Variants in SERPINB8 observed in about 807,000 individuals in gnomAD.
The protein encoded by SERPINB8 is serpin B8.
Under a neutral mutation model 35.3 loss-of-function variants are expected in SERPINB8, and 25 were observed. That is an observed-to-expected ratio of 0.71 (90% confidence interval 0.52 to 0.99). The LOEUF is 0.99. SERPINB8 is among the 50% of genes least tolerant of loss of function. The pLI, the probability that SERPINB8 is intolerant of heterozygous loss-of-function variation, is 0.00. For missense variants in SERPINB8, 484 were observed against 446.5 expected, an observed-to-expected ratio of 1.08 and a Z score of -0.76; for synonymous variants, 186 against 160.8, an observed-to-expected ratio of 1.16 and a Z score of -1.19.
At chr18:64,010,310 G>C (rs1814575456), downstream of SERPINB8, among the ~76,000 whole-genome samples, 2 of 152,078 alleles carry the variant, frequency 1.3e-5, no homozygotes, top group African/African-American at 4.8e-5. Flanking sequence ...ATGGCTGGTG[G>C]GAACAGGCAT....
chr18:64,012,819 A>T (rs2050931726), intron 7 of SERPINB8, among the ~76,000 whole-genome samples: 1 of 152,098 alleles, frequency 6.6e-6, no homozygotes, highest in Non-Finnish European at 1.5e-5. Flanking sequence ...CGTAATCTCT[A>T]CTGCTGAATA....
At chr18:63,980,435 C>T (rs1385845285) in intron 3 of SERPINB8, among the ~76,000 whole-genome samples, 1 of 152,170 alleles carries the variant, frequency 6.6e-6, no homozygotes, top group Non-Finnish European at 1.5e-5. Flanking sequence ...TTCCCTAGTC[C>T]AGCCTGGCAT....
At chr18:64,010,452 A>G (rs4940601), downstream of SERPINB8, among the ~76,000 whole-genome samples, 70,511 of 152,024 alleles carry the variant, frequency 0.46, 17,632 homozygotes, top group East Asian at 0.69. Context: ...CATAGCAAGA[A>G]AAATAAATAG....
In SERPINB8 at chr18:64,016,439, G is replaced by C. The variant is rs988610413; in HGVS notation, c.*3-2471G>C. Among the ~76,000 whole-genome samples the C allele has an allele frequency of 2.6e-5, 4 of 152,122 alleles. No homozygotes were observed. The East Asian group carries it at 7.7e-4, about 29-fold the overall frequency. The stretch of plus-strand genomic sequence containing the variant: ...GTAAGGTTTTTCATTTTTGTTTTTT[G>C]TTTGTTTTTTATTTGTTTATTTTTG... On this transcript the variant is annotated intron_variant, in intron 7 of 7. Coordinates refer to the SERPINB8 transcript ENST00000636430.
At chr18:63,977,627 C>A (rs190507059) in intron 1 of SERPINB8, among the ~76,000 whole-genome samples, 1 of 152,162 alleles carries the variant, frequency 6.6e-6, no homozygotes, top group Non-Finnish European at 1.5e-5. Context: ...CACACCCGTC[C>A]GCACAAAGAC....
At chr18:64,014,575 T>G (rs2050941059) in intron 7 of SERPINB8, among the ~76,000 whole-genome samples, 1 of 152,184 alleles carries the variant, frequency 6.6e-6, no homozygotes, top group Admixed American at 6.5e-5. Flanking sequence ...ACTCTCTCAG[T>G]CTTTTCATGC....
In SERPINB8 at chr18:63,987,782, C is replaced by T. The variant is rs541009229; in HGVS notation, c.*504C>T. 1 of 154,166 alleles carries T rather than the reference C, an allele frequency of 6.5e-6. No homozygotes were observed. The highest frequency in any genetic ancestry group is 3.2e-3 in the Middle Eastern group (1 of 316). The allele number at this position is 154,166 out of a possible 1,614,324, so 9.5% of individuals were successfully genotyped here. A position where few individuals can be genotyped will look rare whatever the true frequency, so the allele number is the denominator to read the frequency against. On this transcript the variant is annotated 3_prime_UTR_variant, in exon 7 of 7. Transcript: ENST00000397985. Reference sequence around the variant, plus strand: ...TGTCACATAGACAGCCCTGCATGCCCCCTGTCTCACACAGTTTGTAATGAA... The same window carrying T: ...TGTCACATAGACAGCCCTGCATGCCTCCTGTCTCACACAGTTTGTAATGAA...
chr18:63,995,004 A>G (rs919356455), intron 1 of SERPINB8, among the ~76,000 whole-genome samples: 20 of 152,184 alleles, frequency 1.3e-4, no homozygotes, highest in African/African-American at 4.6e-4. Context: ...GATCTAGGCA[A>G]TGACATTCCC....
intron 1 of SERPINB8, among the ~76,000 whole-genome samples, chr18:64,004,653 T>G (rs1314097516): frequency 6.6e-6 from 1 of 152,242 alleles, no homozygotes; most frequent in Non-Finnish European, 1.5e-5. Flanking sequence ...GAAAGCTTGC[T>G]GATTTTTATT....
chr18:64,000,609 T>G (rs1255652747), intron 1 of SERPINB8, among the ~76,000 whole-genome samples: 2 of 152,178 alleles, frequency 1.3e-5, no homozygotes, highest in African/African-American at 4.8e-5. Flanking sequence ...CATTTCTAGC[T>G]CTGGCCCCTC....
At chr18:64,010,147 G>T (rs912218503), downstream of SERPINB8, among the ~76,000 whole-genome samples, 10 of 151,904 alleles carry the variant, frequency 6.6e-5, no homozygotes, top group Non-Finnish European at 1.2e-4. Flanking sequence ...CTTCACAAAA[G>T]ATAAAATAAT....
intron 6 of SERPINB8, among the ~76,000 whole-genome samples, chr18:63,985,545 A>G (rs567744485): frequency 1.5e-4 from 23 of 152,338 alleles, no homozygotes; most frequent in African/African-American, 4.8e-4. Context: ...ATTATTGCAC[A>G]AAAGTCCTGG....
intron 1 of SERPINB8, among the ~76,000 whole-genome samples, chr18:63,977,558 C>A (rs1048344004): frequency 3.3e-5 from 5 of 152,114 alleles, no homozygotes; most frequent in Non-Finnish European, 7.4e-5. Flanking sequence ...GAACTGCTGA[C>A]CTCAAGTGAT....
chr18:63,986,323 C>T lies in SERPINB8; in HGVS notation c.721-551C>T. 3.7e-6 allele frequency: 6 copies of T among 1,604,808 alleles called. No homozygotes were observed. The South Asian group carries it at 5.6e-5, about 15-fold the overall frequency. ...GACAGGCAGAGGACAAACAAGGATG[C>T]TGATGAAGTCTTCTTGCATTCCCCA... On this transcript the variant is annotated intron_variant, in intron 6 of 6. Coordinates refer to ENST00000397985, the MANE Select transcript of SERPINB8 (RefSeq NM_002640.4).
At chr18:63,971,710 G>A (rs1474075221) in intron 1 of SERPINB8, among the ~76,000 whole-genome samples, 1 of 152,194 alleles carries the variant, frequency 6.6e-6, no homozygotes, top group Non-Finnish European at 1.5e-5. Context: ...ACTGAGCCGG[G>A]TTATCTTTCT....
chr18:64,017,611 A>G (rs143791366), intron 7 of SERPINB8, among the ~76,000 whole-genome samples: 33 of 152,274 alleles, frequency 2.2e-4, no homozygotes, highest in Admixed American at 5.9e-4. Flanking sequence ...CATTTTATAT[A>G]TGGAAAAAAA....
At chr18:63,986,813 G>A in intron 6 of SERPINB8, 61 bp from the exon 7 acceptor site, 1 of 1,478,044 alleles carries the variant, frequency 6.8e-7, no homozygotes, top group South Asian at 1.4e-5. Context: ...GTAATAAATG[G>A]GTGTGTGGGT....
At chr18:63,989,710 G>A (rs923322742), downstream of SERPINB8, among the ~76,000 whole-genome samples, 5 of 152,020 alleles carry the variant, frequency 3.3e-5, no homozygotes, top group Admixed American at 2.0e-4. Flanking sequence ...TTGGGAGGCC[G>A]AGGCGGGCGG....
chr18:64,017,040 C>T (rs559632666), intron 7 of SERPINB8, among the ~76,000 whole-genome samples: 2 of 152,332 alleles, frequency 1.3e-5, no homozygotes, highest in South Asian at 4.1e-4. Flanking sequence ...CACACATTTT[C>T]CCTCTTCCCA....
Sources: gnomAD v4.1 joint callset for allele counts (sites outside exome capture counted in the v4.1 genomes callset) on GRCh38, gnomAD v4.1.1 for gene constraint, MANE v1.5 for transcripts, NCBI Gene and HGNC (gene_info 2026-07-23, HGNC 2026-07-21) for gene names.